USP50: variants seen among roughly 807,000 people sequenced by gnomAD.
The protein encoded by USP50 is ubiquitin carboxyl-terminal hydrolase 50.
A neutral mutation model predicts 39.2 loss-of-function variants in USP50; 37 were observed. That is an observed-to-expected ratio of 0.94 (90% confidence interval 0.73 to 1.24). The LOEUF (loss-of-function observed/expected upper bound fraction) is 1.24, where lower values mean the gene tolerates loss of function less well. Ranked by LOEUF, USP50 falls within the 50% of genes most tolerant of loss-of-function variation. The pLI is 0.00. For synonymous variants in USP50, 139 were observed against 144.5 expected (o/e 0.96, Z 0.27); for missense variants, 374 against 398.2 (o/e 0.94, Z 0.52).
intron 4 of USP50, among the ~76,000 whole-genome samples, chr15:50,540,196 C>G (rs964815965): frequency 1.3e-5 from 2 of 152,186 alleles, no homozygotes; most frequent in Non-Finnish European, 2.9e-5. Context: ...TGGCTGTCTT[C>G]TACTGCCACC....
At chr15:50,544,381 A>G (rs1367828172) in intron 2 of USP50, among the ~76,000 whole-genome samples, 2 of 151,820 alleles carry the variant, frequency 1.3e-5, no homozygotes, top group East Asian at 3.9e-4. Flanking sequence ...AATAAAAAAA[A>G]ATAAAAAATA....
intron 5 of USP50, among the ~76,000 whole-genome samples, chr15:50,532,417 G>A (rs2052948177): frequency 6.6e-6 from 1 of 152,136 alleles, no homozygotes; most frequent in South Asian, 2.1e-4. Context: ...CGAAGCGGGT[G>A]TGGAGGGACT....
intron 6 of USP50, chr15:50,512,076 G>A (rs1409268525): frequency 2.0e-5 from 3 of 152,166 alleles, no homozygotes; most frequent in Non-Finnish European, 4.4e-5. Flanking sequence ...GCCAGGAGAA[G>A]TGGTTCATGC....
intron 6 of USP50, chr15:50,502,343 G>A (rs1283601112): frequency 1.3e-5 from 2 of 149,760 alleles, no homozygotes; most frequent in African/African-American, 2.5e-5. Flanking sequence ...TCTCGACCTC[G>A]GGATCCTCCC....
downstream of USP50, chr15:50,500,200 T>C (rs144563567): frequency 3.8e-4 from 58 of 152,334 alleles, no homozygotes; most frequent in African/African-American, 1.3e-3. Flanking sequence ...TTTTCATGTT[T>C]TACAATTAGT....
At chr15:50,501,506 C>CT (rs1234791575) in intron 6 of USP50, 3,322 of 139,952 alleles carry the variant, frequency 0.024, 101 homozygotes, top group African/African-American at 0.077. Context: ...AAGATGGCTT[C>CT]TTTTTTTTTT....
intron 6 of USP50, among the ~76,000 whole-genome samples, chr15:50,516,448 C>T (rs555123369): frequency 9.9e-5 from 15 of 152,204 alleles, no homozygotes; most frequent in African/African-American, 3.1e-4. Flanking sequence ...GAAACCCCAT[C>T]TCCACTAAAA....
chr15:50,536,312 A>ATAT (rs548005362), intron 5 of USP50, among the ~76,000 whole-genome samples: 38 of 152,234 alleles, frequency 2.5e-4, no homozygotes, highest in Non-Finnish European at 4.7e-4. Context: ...TACAAAAAGT[A>ATAT]TATTACACAT....
rs984991322 is a variant in USP50 at position 50,533,915 on chromosome 15, G to A, written c.804-3986C>T. ...CTCGGGAGGCTGAGGCAGGAGAATC[G>A]CTTGAACCTGGGAGGCAGAGATTGC... On this transcript the variant is annotated intron_variant, in intron 5 of 6. Coordinates refer to ENST00000532404, the MANE Select transcript of USP50 (RefSeq NM_203494.5). 5.9e-5 allele frequency among the ~76,000 whole-genome samples: 9 copies of A among 152,128 alleles called. No homozygotes were observed. In the South Asian group the frequency reaches 1.0e-3, roughly 17 times the overall value.
chr15:50,522,426 G>A (rs1472432652), intron 6 of USP50, among the ~76,000 whole-genome samples: 2 of 152,118 alleles, frequency 1.3e-5, no homozygotes, highest in Non-Finnish European at 2.9e-5. Flanking sequence ...AAAAGCTCAG[G>A]ACCAGACTAC....
chr15:50,534,477 A>G (rs1215523913), intron 5 of USP50, among the ~76,000 whole-genome samples: 1 of 152,250 alleles, frequency 6.6e-6, no homozygotes, highest in Admixed American at 6.5e-5. Flanking sequence ...AACAAATAGC[A>G]GTAACAAATA....
At chr15:50,539,393 T>TTTTTG (rs1555396054) in intron 4 of USP50, among the ~76,000 whole-genome samples, 1 of 148,760 alleles carries the variant, frequency 6.7e-6, no homozygotes, top group Non-Finnish European at 1.5e-5. Flanking sequence ...ACTTTTCTGT[T>TTTTTG]TTTTTTTTTC....
chr15:50,498,568 AGT>A, downstream of USP50: 1 of 1,576,340 alleles, frequency 6.3e-7, no homozygotes, highest in Non-Finnish European at 8.6e-7. Context: ...TTCCTCTGTC[AGT>A]GTAATTGTAA....
intron 4 of USP50, among the ~76,000 whole-genome samples, 183 bp downstream of exon 4, chr15:50,540,866 C>T (rs903273942): frequency 2.0e-5 from 3 of 152,090 alleles, no homozygotes; most frequent in South Asian, 2.1e-4. Context: ...TCAGGTGATC[C>T]GCCTGCCTTG....
At chr15:50,532,059 T>C (rs781734753) in intron 5 of USP50, 2 of 455,064 alleles carry the variant, frequency 4.4e-6, no homozygotes, top group South Asian at 1.6e-5. Context: ...CAGGTCTGCG[T>C]AGGAAAACCT....
intron 4 of USP50, among the ~76,000 whole-genome samples, chr15:50,539,650 G>A (rs1441841601): frequency 7.2e-5 from 11 of 152,122 alleles, no homozygotes; most frequent in Admixed American, 3.3e-4. Context: ...TCTTGATCTC[G>A]TGATCCGCCC....
intron 5 of USP50, among the ~76,000 whole-genome samples, chr15:50,534,935 G>A (rs1432643495): frequency 6.6e-6 from 1 of 152,158 alleles, no homozygotes; most frequent in Non-Finnish European, 1.5e-5. Flanking sequence ...GAAGTCAGGA[G>A]TTCAAGCCCA....
chr15:50,499,070 A>G (rs1340266814), downstream of USP50: 1 of 1,610,380 alleles, frequency 6.2e-7, no homozygotes, highest in Admixed American at 1.7e-5. Flanking sequence ...GACCACGAGT[A>G]ACTGATGTAG....
intron 1 of USP50, among the ~76,000 whole-genome samples, chr15:50,545,217 AATTATT>A (rs1183897899): frequency 2.0e-5 from 3 of 152,086 alleles, no homozygotes; most frequent in Admixed American, 6.5e-5. Flanking sequence ...CAAGTAATTA[AATTATT>A]ATTATTATTA....
Sources: allele counts gnomAD v4.1 joint callset (sites outside exome capture counted in the v4.1 genomes callset), GRCh38; gene constraint gnomAD v4.1.1; transcripts MANE v1.5; gene names NCBI Gene and HGNC (gene_info 2026-07-23, HGNC 2026-07-21).